Variants in DLG2 observed in about 807,000 individuals in gnomAD.
The protein encoded by DLG2 is discs large MAGUK scaffold protein 2, also known as disks large homolog 2.
In DLG2, 45 loss-of-function variants were observed where a neutral mutation model predicts 132.5. That is an observed-to-expected ratio of 0.34 (90% CI 0.27 to 0.44). The LOEUF (loss-of-function observed/expected upper bound fraction) is 0.44. Among genes scored for constraint, DLG2 ranks in the 20% least tolerant of loss-of-function variants. The probability of loss-of-function intolerance (pLI) is 1.00; values close to 1 mark genes in which losing one functional copy is unlikely to be tolerated. For synonymous variants in DLG2, 424 were observed against 419.6 expected (o/e 1.01, Z -0.13); for missense variants, 1,045 against 1,196.9 (o/e 0.87, Z 1.87).
intron 21 of DLG2, among the ~76,000 whole-genome samples, chr11:83,489,878 AAGAAAG>A (rs1202466085): frequency 2.6e-5 from 4 of 151,980 alleles, no homozygotes; most frequent in African/African-American, 9.7e-5. Context: ...GTCACTGTGA[AAGAAAG>A]GTGAGATACA....
intron 6 of DLG2, among the ~76,000 whole-genome samples, chr11:84,817,458 T>G (rs1429356994): frequency 2.6e-5 from 4 of 151,896 alleles, no homozygotes; most frequent in Non-Finnish European, 5.9e-5. Context: ...GTGCCCAGCA[T>G]GAAAGAAAAC....
intron 16 of DLG2, among the ~76,000 whole-genome samples, chr11:83,846,051 C>T (rs1328966784): frequency 2.0e-5 from 3 of 152,046 alleles, no homozygotes. Context: ...ATGTTAAGTA[C>T]CAAATGAGTA....
intron 4 of DLG2, among the ~76,000 whole-genome samples, chr11:85,229,419 G>A (rs891445848): frequency 1.3e-5 from 2 of 152,050 alleles, no homozygotes; most frequent in African/African-American, 4.8e-5. Flanking sequence ...TTAGAGAAAT[G>A]CAAATCAAAA....
At chr11:84,701,882 C>A (rs904418252) in intron 6 of DLG2, among the ~76,000 whole-genome samples, 1 of 151,458 alleles carries the variant, frequency 6.6e-6, no homozygotes, top group Non-Finnish European at 1.5e-5. Flanking sequence ...TAAAGGTTTT[C>A]TCAAGTCATA....
At chr11:85,081,440 T>A (rs1436833460) in intron 6 of DLG2, among the ~76,000 whole-genome samples, 1 of 152,196 alleles carries the variant, frequency 6.6e-6, no homozygotes, top group Non-Finnish European at 1.5e-5. Flanking sequence ...CCCTTCTATC[T>A]TGCAGTTTCT....
chr11:83,726,909 A>T (rs1332861457), intron 18 of DLG2, among the ~76,000 whole-genome samples: 4 of 152,182 alleles, frequency 2.6e-5, no homozygotes, highest in African/African-American at 9.7e-5. Context: ...CTTCCTGCCC[A>T]CAAATGCCTG....
intron 6 of DLG2, among the ~76,000 whole-genome samples, chr11:84,944,537 T>C (rs2049933606): frequency 6.6e-6 from 1 of 152,008 alleles, no homozygotes; most frequent in South Asian, 2.1e-4. Context: ...CATTGTTCAA[T>C]ATATCAATTG....
At chr11:83,943,067 G>T (rs2083030385) in intron 14 of DLG2, among the ~76,000 whole-genome samples, 1 of 152,130 alleles carries the variant, frequency 6.6e-6, no homozygotes, top group African/African-American at 2.4e-5. Context: ...TTTGCCTGCT[G>T]CCATCCTTGC....
chr11:85,014,368 T>C lies in DLG2; in HGVS notation c.357+97293A>G, dbSNP rs567741061. Among the ~76,000 whole-genome samples the C allele has an allele frequency of 2.6e-5, 4 of 152,324 alleles. No individual in the cohort carries two copies. The South Asian group carries it at 8.3e-4, about 32-fold the overall frequency. On this transcript the variant is annotated intron_variant, in intron 6 of 27. Coordinates refer to ENST00000376104, the MANE Select transcript of DLG2 (RefSeq NM_001142699.3). Reference sequence around the variant, plus strand: ...TAGTTCCTTGTAATTCTTCCTTATATATGCAGTTTTTAATTTAGGAAAGAG... The same window carrying C: ...TAGTTCCTTGTAATTCTTCCTTATACATGCAGTTTTTAATTTAGGAAAGAG...
At chr11:83,563,738 G>A (rs944907662) in intron 19 of DLG2, among the ~76,000 whole-genome samples, 15 of 152,164 alleles carry the variant, frequency 9.9e-5, no homozygotes, top group Non-Finnish European at 1.5e-4. Flanking sequence ...CTAGATAGGT[G>A]TTAGCCAAGA....
intron 11 of DLG2, among the ~76,000 whole-genome samples, chr11:84,049,601 G>A (rs2096315177): frequency 6.6e-6 from 1 of 151,762 alleles, no homozygotes; most frequent in South Asian, 2.1e-4. Context: ...ACTGGAGCTT[G>A]TACTTTCCTT....
At chr11:83,846,758 AT>A (rs1259522876) in intron 16 of DLG2, among the ~76,000 whole-genome samples, 1 of 150,648 alleles carries the variant, frequency 6.6e-6, no homozygotes, top group East Asian at 1.9e-4. Flanking sequence ...AATTAGTTTG[AT>A]TTAAAAATAT....
At chr11:85,598,635 G>A (rs754959472) in intron 3 of DLG2, 22 bp downstream of exon 3, 2 of 1,522,872 alleles carry the variant, frequency 1.3e-6, no homozygotes, top group Middle Eastern at 1.7e-4. Context: ...TTAAAATGAT[G>A]AATAACTTTC....
chr11:84,678,612 C>T (rs774279881), intron 6 of DLG2, among the ~76,000 whole-genome samples: 7 of 152,068 alleles, frequency 4.6e-5, no homozygotes, highest in Non-Finnish European at 8.8e-5. Flanking sequence ...TAAGATCACT[C>T]ACTTGAAAAG....
intron 6 of DLG2, among the ~76,000 whole-genome samples, chr11:84,559,048 G>T (rs1330887581): frequency 6.6e-6 from 1 of 152,054 alleles, no homozygotes; most frequent in Non-Finnish European, 1.5e-5. Flanking sequence ...CTTTGACTCT[G>T]TCAGTGACCA....
chr11:84,611,180 C>A (rs2099594984), intron 6 of DLG2, among the ~76,000 whole-genome samples: 1 of 152,032 alleles, frequency 6.6e-6, no homozygotes, highest in East Asian at 1.9e-4. Flanking sequence ...GGCCAAGGAC[C>A]ATGTGTTATT....
chr11:85,259,154 G>C (rs1213200688), intron 4 of DLG2, among the ~76,000 whole-genome samples: 2 of 152,074 alleles, frequency 1.3e-5, no homozygotes, highest in African/African-American at 4.8e-5. Context: ...GAGGTCATTG[G>C]ATTATGGGGC....
intron 21 of DLG2, among the ~76,000 whole-genome samples, chr11:83,531,878 A>C (rs567695035): frequency 6.8e-6 from 1 of 147,086 alleles, no homozygotes; most frequent in Admixed American, 6.8e-5. Flanking sequence ...AATGTAAGTG[A>C]AAAAAGCAGC....
chr11:83,533,659 C>T (rs183827175), intron 20 of DLG2, among the ~76,000 whole-genome samples: 1 of 152,124 alleles, frequency 6.6e-6, no homozygotes, highest in African/African-American at 2.4e-5. Flanking sequence ...ACAACACATT[C>T]CTCAACCTGA....
Sources: allele counts gnomAD v4.1 joint callset (sites outside exome capture counted in the v4.1 genomes callset), GRCh38; gene constraint gnomAD v4.1.1; transcripts MANE v1.5; gene names NCBI Gene and HGNC (gene_info 2026-07-23, HGNC 2026-07-21).